The following ESRP1 variants were observed in gnomAD, a reference collection of about 807,000 sequenced individuals.
ESRP1 encodes the protein RNA-binding motif protein 35A.
In ESRP1, 33 loss-of-function variants were observed where a neutral mutation model predicts 81.7. The observed-to-expected ratio is 0.40, with a 90% CI of 0.31 to 0.54. ESRP1 has a LOEUF of 0.54. Among genes scored for constraint, ESRP1 ranks in the 20% least tolerant of loss-of-function variants. The pLI is 0.41. For synonymous variants in ESRP1, 320 were observed against 303.3 expected (o/e 1.06, Z -0.57); for missense variants, 672 against 833.1 (o/e 0.81, Z 2.38).
At chr8:94,693,464 A>G (rs916842962) in intron 14 of ESRP1, among the ~76,000 whole-genome samples, 1 of 152,224 alleles carries the variant, frequency 6.6e-6, no homozygotes, top group Non-Finnish European at 1.5e-5. Flanking sequence ...ATTTTTAGTA[A>G]GAGTTCTTTA....
intron 4 of ESRP1, chr8:94,649,441 C>CTCT (rs35263085): frequency 9.1e-5 from 1 of 10,990 alleles, no homozygotes; most frequent in African/African-American, 1.2e-4. Context: ...TCAAGCAATT[C>CTCT]TGCCTCAGCC....
intron 10 of ESRP1, among the ~76,000 whole-genome samples, chr8:94,670,255 T>C (rs1450281820): frequency 6.6e-6 from 1 of 152,236 alleles, no homozygotes; most frequent in Admixed American, 6.5e-5. Context: ...TCAGTAAATA[T>C]TTGAGCACCT....
At chr8:94,653,961 G>A (rs778332178) in intron 4 of ESRP1, among the ~76,000 whole-genome samples, 46 of 152,292 alleles carry the variant, frequency 3.0e-4, no homozygotes, top group Non-Finnish European at 5.6e-4. Context: ...GAAGTGACTA[G>A]AAATACTGCA....
intron 4 of ESRP1, among the ~76,000 whole-genome samples, chr8:94,652,904 A>G (rs1818216279): frequency 6.6e-6 from 1 of 152,198 alleles, no homozygotes; most frequent in African/African-American, 2.4e-5. Context: ...CTAGCATCCA[A>G]CAATATACAA....
At chr8:94,672,427 T>C (rs1819373001) in intron 11 of ESRP1, among the ~76,000 whole-genome samples, 1 of 152,238 alleles carries the variant, frequency 6.6e-6, no homozygotes, top group African/African-American at 2.4e-5. Context: ...TAATTTTTGG[T>C]TAAAGAAAAT....
intron 15 of ESRP1, among the ~76,000 whole-genome samples, chr8:94,703,164 T>C (rs540558243): frequency 6.6e-6 from 1 of 151,388 alleles, no homozygotes; most frequent in East Asian, 1.9e-4. Flanking sequence ...TTGTTGTTGT[T>C]GTTGTTGTTG....
chr8:94,678,436 A>G, intron 13 of ESRP1, 65 bp downstream of exon 13: 1 of 1,548,512 alleles, frequency 6.5e-7, no homozygotes, highest in Non-Finnish European at 8.8e-7. Flanking sequence ...AGCCAGTGCA[A>G]GAGCTCACAA....
chr8:94,671,626 C>T lies in ESRP1; in HGVS notation c.1407C>T (p.Ala469=). ...TCCTGGATTTCCTGGGGGAGTTCGC[C>T]ACAGATATTCGTACTCATGGGGTTC... ...EDILDFLGEF[A]TDIRTHGVHM... Residue 469 remains alanine, a synonymous_variant, in exon 11 of 16, where the codon GCC becomes GCT. Coordinates refer to ENST00000433389, the MANE Select transcript of ESRP1 (RefSeq NM_017697.4). 1.2e-6 allele frequency: 2 copies of T among 1,613,896 alleles called. No homozygotes were observed. The highest frequency in any genetic ancestry group is 1.7e-6 in the Non-Finnish European group (2 of 1,179,888).
At chr8:94,641,864 G>A (rs1817615007) in intron 1 of ESRP1, 92 bp from the exon 2 acceptor site, 3 of 1,549,588 alleles carry the variant, frequency 1.9e-6, no homozygotes, top group Non-Finnish European at 2.6e-6. Context: ...CAAGAGAGGC[G>A]CGGGCCGCCC....
chr8:94,656,453 C>T (rs969873420), intron 4 of ESRP1, among the ~76,000 whole-genome samples: 14 of 151,848 alleles, frequency 9.2e-5, no homozygotes, highest in Non-Finnish European at 1.0e-4. Flanking sequence ...GATCTCCTGA[C>T]CTTGTGATCC....
chr8:94,652,038 G>A (rs896672423), intron 4 of ESRP1, among the ~76,000 whole-genome samples: 5 of 124,530 alleles, frequency 4.0e-5, no homozygotes, highest in Middle Eastern at 0.014. Flanking sequence ...GCCCATGCTG[G>A]AGTGCAGTGC....
intron 4 of ESRP1, among the ~76,000 whole-genome samples, chr8:94,652,558 A>G (rs1361822272): frequency 6.6e-6 from 1 of 152,006 alleles, no homozygotes; most frequent in Non-Finnish European, 1.5e-5. Flanking sequence ...ATTTGTGTAA[A>G]TGGCTTCTTT....
intron 12 of ESRP1, among the ~76,000 whole-genome samples, chr8:94,674,963 T>C (rs1563535643): frequency 6.6e-6 from 1 of 152,250 alleles, no homozygotes; most frequent in Non-Finnish European, 1.5e-5. Flanking sequence ...TTTAACATTT[T>C]TGAGCATTTC....
intron 4 of ESRP1, among the ~76,000 whole-genome samples, chr8:94,656,534 C>CT (rs1818435602): frequency 6.6e-6 from 1 of 152,184 alleles, no homozygotes. Context: ...AAAGGTAACT[C>CT]TTTTAAGAGT....
intron 15 of ESRP1, among the ~76,000 whole-genome samples, chr8:94,701,830 T>C (rs1809852458): frequency 6.6e-6 from 1 of 152,176 alleles, no homozygotes; most frequent in African/African-American, 2.4e-5. Context: ...GGCTTGTACA[T>C]GGTAGCTTAT....
intron 11 of ESRP1, among the ~76,000 whole-genome samples, chr8:94,672,816 A>C (rs1733033089): frequency 6.6e-6 from 1 of 152,264 alleles, no homozygotes; most frequent in African/African-American, 2.4e-5. Flanking sequence ...TACAGGCGTA[A>C]GCCGCCGCAC....
intron 4 of ESRP1, among the ~76,000 whole-genome samples, chr8:94,656,383 T>C (rs1423185686): frequency 1.3e-5 from 2 of 149,160 alleles, no homozygotes; most frequent in Non-Finnish European, 3.0e-5. Context: ...CACGCCCGGC[T>C]AATTTTTTGT....
At chr8:94,696,536 TTG>T (rs1164165064) in intron 14 of ESRP1, among the ~76,000 whole-genome samples, 15 of 152,234 alleles carry the variant, frequency 9.9e-5, no homozygotes, top group African/African-American at 3.6e-4. Context: ...GTAATCATAC[TTG>T]CAGTAGCATG....
chr8:94,706,097 A>C lies in ESRP1; in HGVS notation c.*208A>C. On this transcript the variant is annotated 3_prime_UTR_variant, in exon 16 of 16. Coordinates refer to ENST00000433389, the MANE Select transcript of ESRP1 (RefSeq NM_017697.4). ...GAAAAAATTTGAGCTAGTGAAGCCA[A>C]ATCGTAACTTACAGCAAGCAGCATG... 1 of 674,528 alleles carries C rather than the reference A, an allele frequency of 1.5e-6. No individual in the cohort carries two copies. Among genetic ancestry groups the C allele is most frequent in the Non-Finnish European group, 2.4e-6 (1 of 411,802 alleles). 41.8% of individuals were successfully genotyped at this position (674,528 alleles called of 1,614,324 possible). A position where few individuals can be genotyped will look rare whatever the true frequency, so the allele number is the denominator to read the frequency against.
Sources: allele counts gnomAD v4.1 joint callset (sites outside exome capture counted in the v4.1 genomes callset), GRCh38; gene constraint gnomAD v4.1.1; transcripts MANE v1.5; gene names NCBI Gene and HGNC (gene_info 2026-07-23, HGNC 2026-07-21).